ERC2: variants seen among roughly 807,000 people sequenced by gnomAD.
ERC2 encodes the protein ELKS/RAB6-interacting/CAST family member 2, also known as ERC protein 2.
In ERC2, 42 loss-of-function variants were observed where a neutral mutation model predicts 114.8. That is an observed-to-expected ratio of 0.37 (90% CI 0.29 to 0.47). ERC2 has a LOEUF of 0.47. ERC2 is among the 20% of genes least tolerant of loss of function. ERC2 has a pLI of 0.99. For synonymous variants in ERC2, 454 were observed against 425.5 expected (o/e 1.07, Z -0.82); for missense variants, 939 against 1,150.7 (o/e 0.82, Z 2.66).
At chr3:56,384,166 G>A (rs2059852387) in intron 2 of ERC2, among the ~76,000 whole-genome samples, 1 of 152,068 alleles carries the variant, frequency 6.6e-6, no homozygotes, top group Non-Finnish European at 1.5e-5. Flanking sequence ...ATGAACATGG[G>A]TGTACAAATA....
At chr3:56,172,530 A>G (rs1053205645) in intron 4 of ERC2, among the ~76,000 whole-genome samples, 1 of 152,200 alleles carries the variant, frequency 6.6e-6, no homozygotes, top group Non-Finnish European at 1.5e-5. Context: ...GCATTATCCT[A>G]TCAGCAAGCT....
intron 2 of ERC2, among the ~76,000 whole-genome samples, chr3:56,413,412 G>T (rs1298847452): frequency 6.6e-6 from 1 of 152,214 alleles, no homozygotes; most frequent in African/African-American, 2.4e-5. Context: ...GCTGCTTGGG[G>T]TCAGCGCACA....
chr3:55,676,734 A>T (rs1435264850), intron 17 of ERC2, among the ~76,000 whole-genome samples: 2 of 152,112 alleles, frequency 1.3e-5, no homozygotes, highest in African/African-American at 4.8e-5. Flanking sequence ...AGGTTAAACA[A>T]GACCAGACCA....
chr3:56,456,564 A>G (rs2063070200), intron 1 of ERC2, among the ~76,000 whole-genome samples: 1 of 152,214 alleles, frequency 6.6e-6, no homozygotes, highest in Non-Finnish European at 1.5e-5. Context: ...TCATACATAC[A>G]TAGCCTTTAA....
At chr3:55,900,298 T>C (rs984658442) in intron 13 of ERC2, among the ~76,000 whole-genome samples, 1 of 152,242 alleles carries the variant, frequency 6.6e-6, no homozygotes, top group Non-Finnish European at 1.5e-5. Flanking sequence ...TTGTTTAGTA[T>C]TGTCCGATTT....
chr3:56,419,602 A>G (rs960961848), intron 2 of ERC2, among the ~76,000 whole-genome samples: 8 of 152,228 alleles, frequency 5.3e-5, no homozygotes, highest in Non-Finnish European at 1.0e-4. Context: ...CTCAGCACAA[A>G]CTGAATAGCA....
At chr3:56,252,457 T>C (rs1470291862) in intron 3 of ERC2, among the ~76,000 whole-genome samples, 1 of 152,092 alleles carries the variant, frequency 6.6e-6, no homozygotes, top group African/African-American at 2.4e-5. Flanking sequence ...ATAATAGCTT[T>C]AACAGGGGCA....
intron 4 of ERC2, among the ~76,000 whole-genome samples, chr3:56,156,160 GAAAAGGGTAGAAGAATCACC>G (rs1171593355): frequency 6.6e-6 from 1 of 152,100 alleles, no homozygotes; most frequent in African/African-American, 2.4e-5. Context: ...CAAGGATAGA[GAAAAGGGTAGAAGAATCACC>G]AAAAGAAAGA....
intron 17 of ERC2, among the ~76,000 whole-genome samples, chr3:55,585,755 A>C (rs963308009): frequency 1.3e-5 from 2 of 152,136 alleles, no homozygotes; most frequent in Non-Finnish European, 2.9e-5. Flanking sequence ...TTTTGACCCC[A>C]GTCCTTCCTT....
At chr3:55,959,128 C>G (rs1384322801) in intron 12 of ERC2, among the ~76,000 whole-genome samples, 2 of 152,176 alleles carry the variant, frequency 1.3e-5, no homozygotes, top group Admixed American at 6.5e-5. Context: ...TATCTACTCC[C>G]CCACTTCACT....
At chr3:55,521,362 T>C (rs1158668894) in intron 17 of ERC2, among the ~76,000 whole-genome samples, 1 of 152,224 alleles carries the variant, frequency 6.6e-6, no homozygotes, top group East Asian at 1.9e-4. Context: ...TACAACCCAG[T>C]GCTTGATTCA....
chr3:56,184,027 A>G (rs541385582), intron 3 of ERC2, among the ~76,000 whole-genome samples: 1 of 152,306 alleles, frequency 6.6e-6, no homozygotes, highest in African/African-American at 2.4e-5. Flanking sequence ...AGCTGTCACA[A>G]GTAAATGGAC....
intron 6 of ERC2, among the ~76,000 whole-genome samples, chr3:56,099,047 C>T (rs1377504482): frequency 6.6e-6 from 1 of 152,176 alleles, no homozygotes; most frequent in Non-Finnish European, 1.5e-5. Context: ...TTAGATCATC[C>T]TGGATTATCT....
At chr3:56,466,496 C>G (rs1403856493) in intron 1 of ERC2, among the ~76,000 whole-genome samples, 1 of 152,132 alleles carries the variant, frequency 6.6e-6, no homozygotes, top group Non-Finnish European at 1.5e-5. Context: ...CCCCTCCCTG[C>G]CAAAACTGTA....
At chr3:56,201,847 G>C (rs772112824) in intron 3 of ERC2, among the ~76,000 whole-genome samples, 2 of 152,194 alleles carry the variant, frequency 1.3e-5, no homozygotes, top group Non-Finnish European at 2.9e-5. Flanking sequence ...AACAGTAGGA[G>C]AGCAACATCT....
intron 6 of ERC2, among the ~76,000 whole-genome samples, chr3:56,136,099 A>G (rs1467391775): frequency 6.6e-6 from 1 of 152,202 alleles, no homozygotes. Context: ...AAACAAACCA[A>G]CCAAAGAGCC....
At chr3:55,941,624 C>A (rs889230483) in intron 13 of ERC2, among the ~76,000 whole-genome samples, 1 of 152,162 alleles carries the variant, frequency 6.6e-6, no homozygotes, top group Non-Finnish European at 1.5e-5. Context: ...AAGACATTAT[C>A]CTTGGCCTAC....
At chr3:56,450,952 TAAC>T (rs1282603359) in intron 1 of ERC2, among the ~76,000 whole-genome samples, 13 of 152,180 alleles carry the variant, frequency 8.5e-5, no homozygotes, top group South Asian at 6.2e-4. Flanking sequence ...ATGCTGATTA[TAAC>T]AACATTATTC....
At chr3:56,275,662 C>T (rs1560504956) in intron 3 of ERC2, among the ~76,000 whole-genome samples, 1 of 152,162 alleles carries the variant, frequency 6.6e-6, no homozygotes, top group Non-Finnish European at 1.5e-5. Context: ...ATTCTAATTC[C>T]AGAGGCCTGG....
Sources: gnomAD v4.1 joint callset for allele counts (sites outside exome capture counted in the v4.1 genomes callset) on GRCh38, gnomAD v4.1.1 for gene constraint, MANE v1.5 for transcripts, NCBI Gene and HGNC (gene_info 2026-07-23, HGNC 2026-07-21) for gene names.